Variants in GRM8 observed in about 807,000 individuals in gnomAD.
GRM8 encodes the protein glutamate metabotropic receptor 8, also known as metabotropic glutamate receptor 8.
GRM8 carries 47 observed loss-of-function variants against 87.2 expected under a neutral mutation model. That is an observed-to-expected ratio of 0.54 (90% confidence interval 0.43 to 0.69). The LOEUF is 0.69. Ranked by LOEUF, GRM8 falls within the 30% of genes least tolerant of loss-of-function variation. The probability of loss-of-function intolerance (pLI) is 0.00; values close to 1 mark genes in which losing one functional copy is unlikely to be tolerated. For missense variants in GRM8, 1,019 were observed against 1,139.2 expected, an observed-to-expected ratio of 0.89 and a Z score of 1.52; for synonymous variants, 396 against 404.5, an observed-to-expected ratio of 0.98 and a Z score of 0.25.
chr7:126,505,964 C>T (rs1172833495), intron 9 of GRM8, among the ~76,000 whole-genome samples: 1 of 152,012 alleles, frequency 6.6e-6, no homozygotes, highest in Non-Finnish European at 1.5e-5. Flanking sequence ...ATAACTGAAA[C>T]TTCGCATCTT....
intron 6 of GRM8, among the ~76,000 whole-genome samples, chr7:126,823,877 A>G (rs1194318875): frequency 6.6e-6 from 1 of 152,164 alleles, no homozygotes; most frequent in Non-Finnish European, 1.5e-5. Flanking sequence ...ACCACATTCC[A>G]GGTCCTAAAT....
chr7:126,948,154 T>C (rs971776475), intron 3 of GRM8, among the ~76,000 whole-genome samples: 1 of 151,860 alleles, frequency 6.6e-6, no homozygotes, highest in African/African-American at 2.4e-5. Context: ...AAGTAAAAAA[T>C]AAGAGAAACA....
chr7:127,233,446 T>C (rs1296562159), intron 2 of GRM8, among the ~76,000 whole-genome samples: 3 of 152,166 alleles, frequency 2.0e-5, no homozygotes, highest in African/African-American at 7.2e-5. Flanking sequence ...GTTCAAACAC[T>C]CTGAGATGAG....
chr7:126,625,582 G>A (rs928096465), intron 7 of GRM8, among the ~76,000 whole-genome samples: 1 of 152,056 alleles, frequency 6.6e-6, no homozygotes, highest in African/African-American at 2.4e-5. Context: ...GTGCTTTAAG[G>A]TTGCAAAGTG....
In GRM8 at chr7:126,802,233, A is replaced by G. The variant is rs537222725; in HGVS notation, c.1157-32168T>C. Among the ~76,000 whole-genome samples, 3 of 152,266 alleles carry G rather than the reference A, an allele frequency of 2.0e-5. No individual in the cohort carries two copies. The East Asian group carries it at 5.8e-4, about 29-fold the overall frequency. On this transcript the variant is annotated intron_variant, in intron 6 of 10. Transcript: ENST00000339582. Reference sequence around the variant, plus strand: ...TTCTCTTGGCAATTTTCTAGTATACAATATATGGCTTCTAACTGTAGTCAG... The same window carrying G: ...TTCTCTTGGCAATTTTCTAGTATACGATATATGGCTTCTAACTGTAGTCAG...
intron 3 of GRM8, among the ~76,000 whole-genome samples, chr7:127,066,674 CT>C (rs922161462): frequency 2.0e-5 from 3 of 152,210 alleles, no homozygotes; most frequent in Admixed American, 2.0e-4. Context: ...TATCCTGCTT[CT>C]ATTTGAAACT....
intron 3 of GRM8, among the ~76,000 whole-genome samples, chr7:126,951,496 C>A (rs566353042): frequency 7.2e-5 from 11 of 152,034 alleles, no homozygotes; most frequent in African/African-American, 2.7e-4. Flanking sequence ...AACAAATAAG[C>A]CTGTTACAAA....
intron 8 of GRM8, among the ~76,000 whole-genome samples, chr7:126,608,399 G>T (rs1414887500): frequency 6.6e-6 from 1 of 152,136 alleles, no homozygotes; most frequent in Non-Finnish European, 1.5e-5. Flanking sequence ...GACTCCAGCC[G>T]AAAGAAACAG....
chr7:127,169,814 C>T (rs1793682241), intron 2 of GRM8, among the ~76,000 whole-genome samples: 3 of 152,154 alleles, frequency 2.0e-5, no homozygotes, highest in Non-Finnish European at 2.9e-5. Flanking sequence ...GTCTGAACAA[C>T]AGAACATCTG....
chr7:127,232,588 T>C (rs1346205796), intron 2 of GRM8, among the ~76,000 whole-genome samples: 1 of 152,116 alleles, frequency 6.6e-6, no homozygotes. Context: ...ATACCTTTAA[T>C]GCTAATCTGC....
intron 7 of GRM8, among the ~76,000 whole-genome samples, chr7:126,622,411 TC>T (rs1800269754): frequency 6.6e-6 from 1 of 152,078 alleles, no homozygotes; most frequent in Non-Finnish European, 1.5e-5. Flanking sequence ...TCCAACACCT[TC>T]CTTCCCCTGT....
intron 7 of GRM8, among the ~76,000 whole-genome samples, chr7:126,709,337 T>A (rs2151422037): frequency 6.6e-6 from 1 of 152,112 alleles, no homozygotes; most frequent in South Asian, 2.1e-4. Context: ...GTGGGAGGAT[T>A]GTGTCAGCCC....
chr7:127,146,150 T>A (rs764449102), intron 2 of GRM8, among the ~76,000 whole-genome samples: 17 of 152,124 alleles, frequency 1.1e-4, no homozygotes, highest in Admixed American at 3.9e-4. Flanking sequence ...TTTAAAAAGT[T>A]ACTGATCTAT....
chr7:126,966,955 T>C (rs1809933985), intron 3 of GRM8, among the ~76,000 whole-genome samples: 1 of 152,234 alleles, frequency 6.6e-6, no homozygotes, highest in African/African-American at 2.4e-5. Flanking sequence ...GCTAGCTTTG[T>C]AATACAATAT....
chr7:126,571,091 C>T (rs999489636), intron 8 of GRM8, among the ~76,000 whole-genome samples: 6 of 152,134 alleles, frequency 3.9e-5, no homozygotes, highest in Non-Finnish European at 7.3e-5. Flanking sequence ...TGCTGTTCAT[C>T]GCTCCAGAGC....
chr7:126,756,697 T>C (rs1817042430), intron 7 of GRM8, among the ~76,000 whole-genome samples: 1 of 152,044 alleles, frequency 6.6e-6, no homozygotes, highest in Non-Finnish European at 1.5e-5. Context: ...ATAAGACATC[T>C]GGAAAAGGCA....
chr7:126,677,842 T>C (rs1473425523), intron 7 of GRM8, among the ~76,000 whole-genome samples: 1 of 152,198 alleles, frequency 6.6e-6, no homozygotes, highest in Non-Finnish European at 1.5e-5. Flanking sequence ...CGTAAAGGTA[T>C]TGAAATAACA....
chr7:126,616,625 C>T (rs1799521878), intron 7 of GRM8, among the ~76,000 whole-genome samples: 1 of 152,026 alleles, frequency 6.6e-6, no homozygotes, highest in Non-Finnish European at 1.5e-5. Flanking sequence ...TGATAGACCG[C>T]TAGCAAGACT....
At chr7:127,136,094 A>C (rs1355762626) in intron 2 of GRM8, among the ~76,000 whole-genome samples, 1 of 152,170 alleles carries the variant, frequency 6.6e-6, no homozygotes, top group Non-Finnish European at 1.5e-5. Flanking sequence ...TTTCACTAAC[A>C]CATGGCTACA....
Sources: allele counts gnomAD v4.1 joint callset (sites outside exome capture counted in the v4.1 genomes callset), GRCh38; gene constraint gnomAD v4.1.1; transcripts MANE v1.5; gene names NCBI Gene and HGNC (gene_info 2026-07-23, HGNC 2026-07-21).